The following ENTPD1 variants were observed in gnomAD, a reference collection of about 807,000 sequenced individuals.
ENTPD1 encodes ectonucleoside triphosphate diphosphohydrolase 1, also known as ATP diphosphohydrolase.
Under a neutral mutation model 57.0 loss-of-function variants are expected in ENTPD1, and 33 were observed. The ratio of observed to expected loss-of-function variants is 0.58; its 90% CI spans 0.44 to 0.77. ENTPD1 has a LOEUF of 0.77. ENTPD1 is among the 30% of genes least tolerant of loss of function. The probability of loss-of-function intolerance (pLI) is 0.00; values close to 1 mark genes in which losing one functional copy is unlikely to be tolerated. For synonymous variants in ENTPD1, 202 were observed against 218.8 expected, an observed-to-expected ratio of 0.92 and a Z score of 0.68; for missense variants, 501 against 603.4, an observed-to-expected ratio of 0.83 and a Z score of 1.78.
rs140472288 is a variant in ENTPD1 at position 95,763,897 on chromosome 10, G to C, written c.16+7642G>C. ...AGTTCTCCAACCATCCAAGGAGGTT[G>C]GTATTATTTACTGTTAAATAACTCA... On this transcript the variant is annotated intron_variant, in intron 1 of 9. Transcript: ENST00000371205. Among the ~76,000 whole-genome samples the C allele has an allele frequency of 1.0e-3, 152 of 152,282 alleles. 2 individuals carry two copies. In the East Asian group the frequency reaches 0.025, roughly 25 times the overall value.
In ENTPD1 at chr10:95,844,622, G is replaced by C. The variant is rs1381598012; in HGVS notation, c.560G>C (p.Gly187Ala). Residue 187 changes from glycine (G) to alanine (A), a missense_variant, in exon 5 of 10, where the codon GGC becomes GCC. Transcript: ENST00000371205. The stretch of plus-strand genomic sequence containing the variant: ...TGGATTACTATCAACTATCTGCTGG[G>C]CAAATTCAGTCAGGTGAATATCTCA... ...YGWITINYLLGKFSQKTRWFS... is the reference protein window; with the variant it reads ...YGWITINYLLAKFSQKTRWFS... 1.9e-6 allele frequency: 3 copies of C among 1,613,960 alleles called. No homozygotes were observed.
intron 7 of ENTPD1, among the ~76,000 whole-genome samples, chr10:95,858,014 C>A (rs1224684277): frequency 6.6e-6 from 1 of 151,936 alleles, no homozygotes; most frequent in Non-Finnish European, 1.5e-5. Flanking sequence ...ACAAATTAGC[C>A]GGGCGTGGTG....
intron 1 of ENTPD1, among the ~76,000 whole-genome samples, chr10:95,714,068 TG>T (rs2097968820): frequency 6.6e-6 from 1 of 152,170 alleles, no homozygotes; most frequent in African/African-American, 2.4e-5. Flanking sequence ...CCCAGCACTT[TG>T]GGAGGCAGAG....
intron 1 of ENTPD1, among the ~76,000 whole-genome samples, chr10:95,729,526 TTAAAA>T (rs2097987163): frequency 6.6e-6 from 1 of 152,212 alleles, no homozygotes; most frequent in South Asian, 2.1e-4. Context: ...AGAAAGCTAA[TTAAAA>T]TAGAGTAGAC....
intron 1 of ENTPD1, among the ~76,000 whole-genome samples, chr10:95,810,426 G>C (rs907734574): frequency 7.0e-6 from 1 of 143,512 alleles, no homozygotes; most frequent in South Asian, 2.2e-4. Flanking sequence ...GGGCAGAGGC[G>C]CTCCTCACTT....
intron 6 of ENTPD1, among the ~76,000 whole-genome samples, chr10:95,847,041 A>AT (rs1491404922): frequency 1.3e-5 from 2 of 152,192 alleles, no homozygotes; most frequent in African/African-American, 4.8e-5. Context: ...AAGAAAAAAA[A>AT]TTTTTTTAAT....
chr10:95,727,314 T>C (rs983605120), intron 1 of ENTPD1, among the ~76,000 whole-genome samples: 10 of 152,206 alleles, frequency 6.6e-5, no homozygotes, highest in African/African-American at 2.2e-4. Context: ...TCCATTCATA[T>C]TTATTCTCTA....
intron 1 of ENTPD1, among the ~76,000 whole-genome samples, chr10:95,788,746 G>A (rs886106928): frequency 1.3e-5 from 2 of 152,194 alleles, no homozygotes; most frequent in Non-Finnish European, 2.9e-5. Context: ...TATTTGATCT[G>A]AGGAACTTTA....
rs535687557 is a variant in ENTPD1 at position 95,793,266 on chromosome 10, G to A, written c.17-29971G>A. ...GGGAATTGCCTAATAAGGAATAGAC[G>A]GGAGGCATGCTGCCCCTACATAATC... is the stretch of plus-strand genomic sequence containing the variant. On this transcript the variant is annotated intron_variant, in intron 1 of 9. Transcript: ENST00000371205. Among the ~76,000 whole-genome samples, 5 of 152,272 alleles carry A rather than the reference G, an allele frequency of 3.3e-5. No individual in the cohort carries two copies. In the East Asian group the frequency reaches 5.8e-4, roughly 18 times the overall value.
chr10:95,806,719 G>GTTAGTTTTCCTTCTGTTTT (rs2098274151), intron 1 of ENTPD1, among the ~76,000 whole-genome samples: 1 of 152,200 alleles, frequency 6.6e-6, no homozygotes, highest in Admixed American at 6.5e-5. Flanking sequence ...CCTTCTGTTT[G>GTTAGTTTTCCTTCTGTTTT]TTAGTTTTCC....
intron 2 of ENTPD1, chr10:95,833,699 CT>C (rs1387183382): frequency 6.5e-6 from 1 of 152,700 alleles, no homozygotes; most frequent in Non-Finnish European, 1.5e-5. Flanking sequence ...ACAGAAATTA[CT>C]TTTCTCACAG....
At chr10:95,807,322 C>T (rs1167914372) in intron 1 of ENTPD1, among the ~76,000 whole-genome samples, 3 of 152,214 alleles carry the variant, frequency 2.0e-5, no homozygotes, top group Non-Finnish European at 4.4e-5. Flanking sequence ...AAGCCAGGCA[C>T]GGGAGAGAAT....
At chr10:95,767,453 C>T (rs1417943769) in intron 1 of ENTPD1, among the ~76,000 whole-genome samples, 1 of 151,628 alleles carries the variant, frequency 6.6e-6, no homozygotes, top group Non-Finnish European at 1.5e-5. Context: ...TCCCTGTGTC[C>T]TCCTTTTTCT....
chr10:95,727,994 T>A (rs2097985453), intron 1 of ENTPD1, among the ~76,000 whole-genome samples: 1 of 152,238 alleles, frequency 6.6e-6, no homozygotes, highest in South Asian at 2.1e-4. Context: ...ATTTTTTAAA[T>A]CCTAAGACAA....
intron 7 of ENTPD1, 132 bp downstream of exon 7, chr10:95,847,838 T>C (rs140592177): frequency 6.1e-6 from 8 of 1,311,428 alleles, no homozygotes; most frequent in Middle Eastern, 2.1e-4. Context: ...TAGGGGTTGG[T>C]TCTTCAGCTC....
intron 7 of ENTPD1, among the ~76,000 whole-genome samples, chr10:95,855,456 T>C (rs2098452847): frequency 6.6e-6 from 1 of 152,094 alleles, no homozygotes; most frequent in African/African-American, 2.4e-5. Context: ...AATATTGTTA[T>C]GTGTGAATTT....
At chr10:95,860,203 T>G (rs896993115) in intron 7 of ENTPD1, among the ~76,000 whole-genome samples, 2 of 152,176 alleles carry the variant, frequency 1.3e-5, no homozygotes, top group Non-Finnish European at 2.9e-5. Context: ...CTTTTCTTAT[T>G]CTCTTTCCCC....
At chr10:95,856,802 C>G (rs2098455804) in intron 7 of ENTPD1, among the ~76,000 whole-genome samples, 1 of 150,192 alleles carries the variant, frequency 6.7e-6, no homozygotes, top group Admixed American at 6.7e-5. Flanking sequence ...AAAAATTTGT[C>G]TAGTATCATC....
chr10:95,873,133 G>C lies in ENTPD1; in HGVS notation c.*6750G>C. The C allele has an allele frequency of 3.0e-5, 29 of 980,882 alleles. No homozygotes were observed. Among genetic ancestry groups the C allele is most frequent in the Non-Finnish European group, 3.5e-5 (29 of 825,844 alleles). 60.8% of individuals were successfully genotyped at this position (980,882 alleles called of 1,614,324 possible). On this transcript the variant is annotated 3_prime_UTR_variant, in exon 10 of 10. Transcript: ENST00000371205. ...GTTTTACATTTCCAACAAGCTGCCA[G>C]GTAAAGCCAATACATCTGTCCAGGA... is the stretch of plus-strand genomic sequence containing the variant.
Sources: allele counts gnomAD v4.1 joint callset (sites outside exome capture counted in the v4.1 genomes callset), GRCh38; gene constraint gnomAD v4.1.1; transcripts MANE v1.5; gene names NCBI Gene and HGNC (gene_info 2026-07-23, HGNC 2026-07-21).